Variants in CRLF3 observed in about 807,000 individuals in gnomAD.
CRLF3 encodes cytokine receptor-like factor 3.
In CRLF3, 33 loss-of-function variants were observed where a neutral mutation model predicts 55.0. The observed-to-expected ratio is 0.60, with a 90% CI of 0.46 to 0.80. The LOEUF is 0.80. Among genes scored for constraint, CRLF3 ranks in the 30% least tolerant of loss-of-function variants. CRLF3 has a pLI of 0.00. For missense variants in CRLF3, 494 were observed against 538.4 expected (o/e 0.92, Z 0.82); for synonymous variants, 238 against 196.8 (o/e 1.21, Z -1.75).
chr17:30,796,182 C>T lies in CRLF3; in HGVS notation c.581G>A (p.Gly194Asp). The T allele has an allele frequency of 6.2e-7, 1 of 1,612,358 alleles. No individual in the cohort carries two copies. The highest frequency in any genetic ancestry group is 2.2e-5 in the East Asian group (1 of 44,832). ...TACCTTACACCATCGTACAATGATGCCTCCAGGTTTCTCTATTAGTTCTTC... is the reference window on the plus strand; with the variant it reads ...TACCTTACACCATCGTACAATGATGTCTCCAGGTTTCTCTATTAGTTCTTC... ...QIEELIEKPG[G>D]IIVRWCKVDD... Residue 194 changes from glycine (G) to aspartate (D), a missense_variant, in exon 4 of 8, where the codon GGC becomes GAC. Physicochemically the swap from Gly to Asp is moderately conservative, Grantham distance 94 (BLOSUM62 -1). Coordinates refer to ENST00000324238, the MANE Select transcript of CRLF3 (RefSeq NM_015986.4).
intron 6 of CRLF3, chr17:30,787,345 A>T (rs1440859417): frequency 8.6e-6 from 1 of 116,094 alleles, no homozygotes; most frequent in African/African-American, 3.2e-5. Context: ...TTATAATCCT[A>T]AAAAATCCCA....
intron 1 of CRLF3, among the ~76,000 whole-genome samples, chr17:30,821,122 G>C (rs1430834435): frequency 6.6e-6 from 1 of 151,478 alleles, no homozygotes; most frequent in Non-Finnish European, 1.5e-5. Flanking sequence ...AGGCCAAAGT[G>C]GGTGTTCATC....
In CRLF3 at chr17:30,782,947, G is replaced by A. The variant is rs1971529379; in HGVS notation, c.*1240C>T. On this transcript the variant is annotated 3_prime_UTR_variant, in exon 8 of 8. Transcript: ENST00000324238. ...TTCACATTAAAATAAAATCTGTAGG[G>A]TGGCATAGAAGACAATTATTTTTAC... is the stretch of plus-strand genomic sequence containing the variant. 1 of 151,960 alleles carries A rather than the reference G, an allele frequency of 6.6e-6. No homozygotes were observed. The allele number at this position is 151,960 out of a possible 1,614,324, so 9.4% of individuals were successfully genotyped here. A position where few individuals can be genotyped will look rare whatever the true frequency, so the allele number is the denominator to read the frequency against.
At chr17:30,818,964 T>C (rs1904900995) in intron 1 of CRLF3, among the ~76,000 whole-genome samples, 2 of 151,748 alleles carry the variant, frequency 1.3e-5, no homozygotes, top group Admixed American at 1.3e-4. Flanking sequence ...TACAGGTGCA[T>C]TCCACCACAC....
At chr17:30,785,056 A>G (rs2142238100) in intron 7 of CRLF3, 1 of 149,920 alleles carries the variant, frequency 6.7e-6, no homozygotes, top group South Asian at 2.1e-4. Context: ...CCAACACCAC[A>G]AAATATTATT....
chr17:30,797,685 CT>C (rs1971939921), intron 2 of CRLF3, among the ~76,000 whole-genome samples: 1 of 151,976 alleles, frequency 6.6e-6, no homozygotes, highest in South Asian at 2.1e-4. Context: ...AGCCCAGGGA[CT>C]TCTTTCCATC....
chr17:30,810,706 A>T (rs1052550613), intron 1 of CRLF3, among the ~76,000 whole-genome samples: 1 of 152,254 alleles, frequency 6.6e-6, no homozygotes, highest in Non-Finnish European at 1.5e-5. Context: ...TTGTATTTCA[A>T]TACTAAGCCA....
At chr17:30,799,402 C>T (rs75820649) in intron 2 of CRLF3, among the ~76,000 whole-genome samples, 18,715 of 152,222 alleles carry the variant, frequency 0.12, 1,216 homozygotes, top group South Asian at 0.25. Flanking sequence ...CTCTGTCACC[C>T]AGGCTGGAGT....
At chr17:30,793,069 T>A (rs538615691) in intron 5 of CRLF3, among the ~76,000 whole-genome samples, 2 of 150,710 alleles carry the variant, frequency 1.3e-5, no homozygotes, top group African/African-American at 4.9e-5. Context: ...GGCAGAAGGA[T>A]CTAGAGGTCA....
chr17:30,787,206 T>C (rs887495432), intron 6 of CRLF3, among the ~76,000 whole-genome samples: 1 of 152,212 alleles, frequency 6.6e-6, no homozygotes, highest in African/African-American at 2.4e-5. Context: ...TCTAGACACA[T>C]AGAAGGTTTG....
intron 6 of CRLF3, among the ~76,000 whole-genome samples, chr17:30,789,273 C>T (rs972075429): frequency 7.9e-5 from 12 of 152,202 alleles, no homozygotes; most frequent in African/African-American, 2.7e-4. Context: ...GTGTCTTTCA[C>T]ATCACGGTCA....
intron 1 of CRLF3, 78 bp downstream of exon 1, chr17:30,824,445 T>C (rs908064390): frequency 2.9e-6 from 4 of 1,376,366 alleles, no homozygotes; most frequent in Non-Finnish European, 1.9e-6. Flanking sequence ...GTCCCACCCC[T>C]CAAAGCCCTC....
chr17:30,815,997 T>C (rs895011404), intron 1 of CRLF3, among the ~76,000 whole-genome samples: 2 of 149,976 alleles, frequency 1.3e-5, no homozygotes, highest in Non-Finnish European at 3.0e-5. Context: ...AAAAGACAAT[T>C]TGTAGGCCGG....
At chr17:30,787,421 T>C (rs539642696) in intron 6 of CRLF3, 1 of 152,324 alleles carries the variant, frequency 6.6e-6, no homozygotes, top group Admixed American at 6.5e-5. Context: ...AGCTTTTCCT[T>C]TTGTGTTTTC....
At chr17:30,813,612 T>C (rs186666312) in intron 1 of CRLF3, among the ~76,000 whole-genome samples, 7 of 152,252 alleles carry the variant, frequency 4.6e-5, no homozygotes, top group Non-Finnish European at 2.9e-5. Flanking sequence ...AAGCGTTTTT[T>C]TTTTAATAAC....
chr17:30,792,414 G>T (rs1182176289), intron 6 of CRLF3, 26 bp downstream of exon 6: 1 of 1,591,076 alleles, frequency 6.3e-7, no homozygotes, highest in East Asian at 2.3e-5. Context: ...TCCTGAGGCA[G>T]GTGAGATGTT....
At position 30,783,480 on chromosome 17, in the gene CRLF3, G is replaced by A. The variant is rs911401361; in HGVS notation, c.*707C>T. ...AAAAATACAAAAATTAGCCAGGTGT[G>A]GTGGCCGACGCCTGTAATCCCAGCT... On this transcript the variant is annotated 3_prime_UTR_variant, in exon 8 of 8. Transcript: ENST00000324238. 4 of 152,180 alleles carry A rather than the reference G, an allele frequency of 2.6e-5. No homozygotes were observed. The highest frequency in any genetic ancestry group is 1.3e-4 in the Admixed American group (2 of 15,244). The allele number at this position is 152,180 out of a possible 1,614,324, so 9.4% of individuals were successfully genotyped here. A position where few individuals can be genotyped will look rare whatever the true frequency, so the allele number is the denominator to read the frequency against.
intron 1 of CRLF3, among the ~76,000 whole-genome samples, chr17:30,823,226 GT>G (rs1905047674): frequency 6.6e-6 from 1 of 151,834 alleles, no homozygotes; most frequent in Non-Finnish European, 1.5e-5. Flanking sequence ...GCCGGGTGTG[GT>G]GGCGCAGACT....
At chr17:30,792,347 A>C in intron 6 of CRLF3, 93 bp downstream of exon 6, 4 of 1,210,782 alleles carry the variant, frequency 3.3e-6, no homozygotes, top group Non-Finnish European at 4.7e-6. Flanking sequence ...ATGACGGAAT[A>C]AACTCAGGAT....
Sources: gnomAD v4.1 joint callset for allele counts (sites outside exome capture counted in the v4.1 genomes callset) on GRCh38, gnomAD v4.1.1 for gene constraint, MANE v1.5 for transcripts, NCBI Gene and HGNC (gene_info 2026-07-23, HGNC 2026-07-21) for gene names.